Variants in PPP1R42 observed in about 807,000 individuals in gnomAD.
PPP1R42 encodes protein phosphatase 1 regulatory subunit 42.
PPP1R42 carries 34 observed loss-of-function variants against 31.0 expected under a neutral mutation model. The ratio of observed to expected loss-of-function variants is 1.10; its 90% CI spans 0.83 to 1.46. The LOEUF (loss-of-function observed/expected upper bound fraction) is 1.46, where lower values mean the gene tolerates loss of function less well. Among genes scored for constraint, PPP1R42 ranks in the 40% most tolerant of loss-of-function variants. The pLI is 0.00. For synonymous variants in PPP1R42, 103 were observed against 109.8 expected (o/e 0.94, Z 0.39); for missense variants, 268 against 303.0 (o/e 0.88, Z 0.86).
intron 7 of PPP1R42, among the ~76,000 whole-genome samples, chr8:66,980,761 A>G (rs1322423546): frequency 6.6e-6 from 1 of 152,156 alleles, no homozygotes; most frequent in Admixed American, 6.5e-5. Flanking sequence ...TTGTAGAACA[A>G]GAACATTAGC....
At chr8:66,997,336 G>A (rs922319617) in intron 5 of PPP1R42, among the ~76,000 whole-genome samples, 1 of 151,958 alleles carries the variant, frequency 6.6e-6, no homozygotes, top group Non-Finnish European at 1.5e-5. Flanking sequence ...ATCTCACTTT[G>A]AAACCCAGGC....
intron 7 of PPP1R42, among the ~76,000 whole-genome samples, chr8:66,973,430 A>G (rs902799909): frequency 1.3e-5 from 2 of 151,962 alleles, no homozygotes; most frequent in African/African-American, 4.8e-5. Flanking sequence ...CATCCTCCCA[A>G]GTAACTGAGA....
rs190090207 is a variant in PPP1R42 at position 66,970,725 on chromosome 8, C to T, written c.803-6391G>A. The T allele has an allele frequency of 1.1e-3, 533 of 471,684 alleles. 2 individuals carry two copies. Among genetic ancestry groups the T allele is most frequent in the African/African-American group, 9.7e-3 (489 of 50,652 alleles). 29.2% of individuals were successfully genotyped at this position (471,684 alleles called of 1,614,324 possible). ...CTGCCTCTGGGACTTTTCGGAGTCT[C>T]CTACCTTACCTCAGTGGGTGTATCC... is the stretch of plus-strand genomic sequence containing the variant. On this transcript the variant is annotated intron_variant, in intron 7 of 7. Coordinates refer to ENST00000685739, the MANE Select transcript of PPP1R42 (RefSeq NM_001364910.1).
chr8:66,971,593 AT>A (rs1814540216), intron 7 of PPP1R42, among the ~76,000 whole-genome samples: 1 of 152,082 alleles, frequency 6.6e-6, no homozygotes, highest in Non-Finnish European at 1.5e-5. Context: ...TTCACCTCTA[AT>A]CCACAGTGGC....
intron 5 of PPP1R42, among the ~76,000 whole-genome samples, chr8:66,998,079 C>A (rs1410220125): frequency 6.6e-6 from 1 of 151,840 alleles, no homozygotes; most frequent in Admixed American, 6.6e-5. Context: ...TGCTATGAAT[C>A]TAAAATTAAT....
intron 6 of PPP1R42, among the ~76,000 whole-genome samples, chr8:66,983,475 C>T (rs1036507544): frequency 6.6e-6 from 1 of 151,634 alleles, no homozygotes; most frequent in South Asian, 2.1e-4. Flanking sequence ...AAATTTTTTT[C>T]TTTCTTTCCA....
intron 7 of PPP1R42, chr8:66,971,017 G>T (rs1427840693): frequency 6.5e-7 from 1 of 1,526,890 alleles, no homozygotes; most frequent in East Asian, 2.4e-5. Flanking sequence ...ATCTTCTCAG[G>T]AACTTTCTGG....
chr8:66,976,369 C>G (rs1585635200), intron 7 of PPP1R42, among the ~76,000 whole-genome samples: 1 of 152,132 alleles, frequency 6.6e-6, no homozygotes, highest in Non-Finnish European at 1.5e-5. Context: ...TGTATCATCC[C>G]AAAACAATAT....
chr8:66,973,122 C>T (rs187191626), intron 7 of PPP1R42, among the ~76,000 whole-genome samples: 148 of 152,264 alleles, frequency 9.7e-4, no homozygotes, highest in South Asian at 1.9e-3. Context: ...GCCCCCTCTT[C>T]TTTGCCTTCT....
At chr8:66,976,008 G>A (rs1318630789) in intron 7 of PPP1R42, among the ~76,000 whole-genome samples, 2 of 152,198 alleles carry the variant, frequency 1.3e-5, no homozygotes, top group African/African-American at 4.8e-5. Flanking sequence ...AGCAGAAGGT[G>A]AGTGGCAGGT....
At chr8:67,018,822 C>CCG (rs1376561013) in intron 1 of PPP1R42, among the ~76,000 whole-genome samples, 1 of 58,160 alleles carries the variant, frequency 1.7e-5, no homozygotes, top group Non-Finnish European at 4.0e-5. Flanking sequence ...CCGCCCCCCC[C>CCG]CCCTTTTTTT....
At chr8:67,018,403 C>T in intron 1 of PPP1R42, among the ~76,000 whole-genome samples, 1 of 152,062 alleles carries the variant, frequency 6.6e-6, no homozygotes, top group Admixed American at 6.5e-5. Context: ...CAGGCGTGAG[C>T]CACCGCGCCC....
At chr8:66,986,918 C>G (rs1469946651) in intron 6 of PPP1R42, among the ~76,000 whole-genome samples, 1 of 152,148 alleles carries the variant, frequency 6.6e-6, no homozygotes, top group Non-Finnish European at 1.5e-5. Flanking sequence ...AATCCCAGCA[C>G]TTTGGGAGGC....
rs145641740 is a variant in PPP1R42 at position 66,985,864 on chromosome 8, T to C, written c.670+2536A>G. ...GAGGCCCAGGGATCACCTCTGGCTC[T>C]TCTTCCACCTTCTCAAAATGGGGTA... On this transcript the variant is annotated intron_variant, in intron 6 of 7. Transcript: ENST00000685739. 8.1e-4 allele frequency: 941 copies of C among 1,160,876 alleles called. 2 individuals are homozygous for C. Among genetic ancestry groups the C allele is most frequent in the Middle Eastern group, 5.5e-3 (26 of 4,734 alleles). The allele number at this position is 1,160,876 out of a possible 1,614,324, so 71.9% of individuals were successfully genotyped here.
intron 2 of PPP1R42, among the ~76,000 whole-genome samples, chr8:67,015,232 T>C (rs2129536991): frequency 6.6e-6 from 1 of 152,180 alleles, no homozygotes; most frequent in Non-Finnish European, 1.5e-5. Context: ...TTGGCTAGGC[T>C]GGTCTCGAAC....
At chr8:66,985,114 G>A in intron 6 of PPP1R42, 1 of 1,218,978 alleles carries the variant, frequency 8.2e-7, no homozygotes, top group African/African-American at 1.5e-5. Context: ...AGCAATAAGG[G>A]CAAGCCTAGT....
chr8:66,991,813 G>A (rs891707491), intron 5 of PPP1R42, among the ~76,000 whole-genome samples: 7 of 151,768 alleles, frequency 4.6e-5, no homozygotes, highest in Non-Finnish European at 7.4e-5. Context: ...AGACTGATCC[G>A]GACTAATGCT....
At chr8:66,992,712 A>G (rs1219391612) in intron 5 of PPP1R42, among the ~76,000 whole-genome samples, 1 of 152,204 alleles carries the variant, frequency 6.6e-6, no homozygotes, top group African/African-American at 2.4e-5. Context: ...CCCGTAACCC[A>G]TTGCCTTCTC....
chr8:67,020,809 G>C lies in PPP1R42; in HGVS notation c.-84-2978C>G, dbSNP rs1362942758. On this transcript the variant is annotated intron_variant, in intron 1 of 7. Coordinates refer to ENST00000685739, the MANE Select transcript of PPP1R42 (RefSeq NM_001364910.1). ...CTGTTAAATATGGGAAACATGCCGG[G>C]GGGCGGTGGTGCGTGTTTGTAGTTC... is the stretch of plus-strand genomic sequence containing the variant. Among the ~76,000 whole-genome samples the C allele has an allele frequency of 3.3e-5, 5 of 152,200 alleles. No homozygotes were observed. The East Asian group carries it at 9.6e-4, about 29-fold the overall frequency.
Sources: gnomAD v4.1 joint callset for allele counts (sites outside exome capture counted in the v4.1 genomes callset) on GRCh38, gnomAD v4.1.1 for gene constraint, MANE v1.5 for transcripts, NCBI Gene and HGNC (gene_info 2026-07-23, HGNC 2026-07-21) for gene names.